The following NRXN1 variants were observed in gnomAD, a reference collection of about 807,000 sequenced individuals.
NRXN1 encodes neurexin-1.
A neutral mutation model predicts 150.9 loss-of-function variants in NRXN1; 39 were observed. The observed-to-expected ratio is 0.26, with a 90% CI of 0.20 to 0.34. The LOEUF is 0.34. Among genes scored for constraint, NRXN1 ranks in the 10% least tolerant of loss-of-function variants. The probability of loss-of-function intolerance (pLI) is 1.00; values close to 1 mark genes in which losing one functional copy is unlikely to be tolerated. For synonymous variants in NRXN1, 924 were observed against 757.0 expected, an observed-to-expected ratio of 1.22 and a Z score of -3.62; for missense variants, 1,815 against 1,949.9, an observed-to-expected ratio of 0.93 and a Z score of 1.30.
At chr2:50,755,200 G>A (rs887278861) in intron 5 of NRXN1, among the ~76,000 whole-genome samples, 1 of 151,780 alleles carries the variant, frequency 6.6e-6, no homozygotes, top group Non-Finnish European at 1.5e-5. Flanking sequence ...ATTCATTATA[G>A]TATAAATACA....
intron 5 of NRXN1, among the ~76,000 whole-genome samples, chr2:50,796,490 G>A (rs1231085802): frequency 1.3e-5 from 2 of 151,930 alleles, no homozygotes; most frequent in East Asian, 1.9e-4. Context: ...CCACCCCAAC[G>A]GCCCCATCTA....
chr2:50,263,191 CACAT>C (rs1287345600), intron 17 of NRXN1, among the ~76,000 whole-genome samples: 231 of 149,288 alleles, frequency 1.5e-3, no homozygotes, highest in African/African-American at 5.1e-3. Context: ...CACACACACA[CACAT>C]ACACAAACAG....
intron 12 of NRXN1, among the ~76,000 whole-genome samples, chr2:50,510,485 CAAAAAAAAAAAAAA>C (rs540578029): frequency 7.6e-5 from 3 of 39,686 alleles, no homozygotes; most frequent in East Asian, 1.7e-3. Flanking sequence ...GACTCCATCT[CAAAAAAAAAAAAAA>C]AAAAAAAAAA....
chr2:51,020,571 A>G lies in NRXN1; in HGVS notation c.772+6931T>C, dbSNP rs540009693. 3.9e-5 allele frequency among the ~76,000 whole-genome samples: 6 copies of G among 152,084 alleles called. No individual in the cohort carries two copies. The East Asian group carries it at 7.7e-4, about 20-fold the overall frequency. ...ACAGCAATCTACCTGCTACCATTTA[A>G]TATCTCCCACAAATTTTTAAGCTTT... On this transcript the variant is annotated intron_variant, in intron 2 of 22. Coordinates refer to ENST00000401669, the MANE Select transcript of NRXN1 (RefSeq NM_001330078.2).
At position 50,302,795 on chromosome 2, in the gene NRXN1, A is replaced by C. The variant is rs572509628; in HGVS notation, c.3365-65825T>G. Among the ~76,000 whole-genome samples, 3 of 152,264 alleles carry C rather than the reference A, an allele frequency of 2.0e-5. No homozygotes were observed. The East Asian group carries it at 5.8e-4, about 29-fold the overall frequency. On this transcript the variant is annotated intron_variant, in intron 17 of 22. Transcript: ENST00000401669. Reference sequence around the variant, plus strand: ...TGTAAGACATTTAGGGTATCCCTACACTATATTTTTAATTGAATTTTAAAG... The same window carrying C: ...TGTAAGACATTTAGGGTATCCCTACCCTATATTTTTAATTGAATTTTAAAG...
chr2:50,735,338 A>G (rs1698607613), intron 5 of NRXN1, among the ~76,000 whole-genome samples: 1 of 152,132 alleles, frequency 6.6e-6, no homozygotes, highest in Non-Finnish European at 1.5e-5. Context: ...ATTAACACAA[A>G]TAGCAAATAA....
intron 8 of NRXN1, among the ~76,000 whole-genome samples, chr2:50,575,530 G>T (rs1273289194): frequency 6.6e-6 from 1 of 152,124 alleles, no homozygotes; most frequent in Non-Finnish European, 1.5e-5. Flanking sequence ...ATAGTTATGT[G>T]TGCCAAAGAA....
chr2:50,502,563 G>T (rs1485592471), intron 13 of NRXN1, among the ~76,000 whole-genome samples: 1 of 151,986 alleles, frequency 6.6e-6, no homozygotes, highest in Non-Finnish European at 1.5e-5. Flanking sequence ...TACGGGAAAA[G>T]CAATTTTGAA....
intron 17 of NRXN1, among the ~76,000 whole-genome samples, chr2:50,317,104 A>G (rs2075671731): frequency 6.6e-6 from 1 of 152,082 alleles, no homozygotes; most frequent in African/African-American, 2.4e-5. Context: ...TTTAAAAATG[A>G]CAAATAACTA....
At chr2:50,872,993 C>T (rs1232439613) in intron 5 of NRXN1, among the ~76,000 whole-genome samples, 2 of 151,220 alleles carry the variant, frequency 1.3e-5, no homozygotes, top group Non-Finnish European at 2.9e-5. Flanking sequence ...AAAGCAAGAC[C>T]CTGTCTCTAA....
intron 5 of NRXN1, among the ~76,000 whole-genome samples, chr2:50,895,052 C>A (rs1261569372): frequency 6.6e-6 from 1 of 152,112 alleles, no homozygotes; most frequent in African/African-American, 2.4e-5. Flanking sequence ...AGTATTTTGA[C>A]TTTGAGTTGG....
At chr2:50,901,514 G>A (rs553572904) in intron 5 of NRXN1, among the ~76,000 whole-genome samples, 1 of 152,214 alleles carries the variant, frequency 6.6e-6, no homozygotes, top group South Asian at 2.1e-4. Context: ...TCCAGCCTGG[G>A]TGACAGAGCG....
At chr2:50,379,504 T>C (rs7564130) in intron 17 of NRXN1, among the ~76,000 whole-genome samples, 57,282 of 151,902 alleles carry the variant, frequency 0.38, 10,989 homozygotes, top group East Asian at 0.55. Flanking sequence ...CAGAGCACCA[T>C]GGCTATAAAA....
intron 5 of NRXN1, among the ~76,000 whole-genome samples, chr2:50,819,907 T>C (rs917047692): frequency 1.3e-5 from 2 of 152,222 alleles, no homozygotes; most frequent in South Asian, 2.1e-4. Context: ...ATTCCTGTGT[T>C]TGCCATTTGC....
intron 5 of NRXN1, among the ~76,000 whole-genome samples, chr2:50,666,614 A>G (rs1163227125): frequency 6.6e-6 from 1 of 151,914 alleles, no homozygotes; most frequent in African/African-American, 2.4e-5. Context: ...ATGACAATAA[A>G]CAGAGTGTTT....
intron 18 of NRXN1, among the ~76,000 whole-genome samples, chr2:50,235,692 T>G (rs1372487325): frequency 1.3e-5 from 2 of 152,086 alleles, no homozygotes; most frequent in African/African-American, 4.8e-5. Flanking sequence ...TAATCAAATG[T>G]CCTTTGGAGA....
chr2:50,974,705 C>T (rs1695553355), intron 2 of NRXN1, among the ~76,000 whole-genome samples: 1 of 151,920 alleles, frequency 6.6e-6, no homozygotes, highest in Non-Finnish European at 1.5e-5. Flanking sequence ...AAAATCTAAT[C>T]TTCATACCAA....
chr2:50,422,760 T>C (rs1403727321), intron 17 of NRXN1, among the ~76,000 whole-genome samples: 4 of 152,156 alleles, frequency 2.6e-5, no homozygotes, highest in African/African-American at 7.2e-5. Context: ...GAACCACAAA[T>C]ATAACTGGTA....
At chr2:50,748,187 G>A (rs1392449549) in intron 5 of NRXN1, among the ~76,000 whole-genome samples, 2 of 152,146 alleles carry the variant, frequency 1.3e-5, no homozygotes, top group African/African-American at 4.8e-5. Context: ...ACTGCTGAAT[G>A]TTTCTCTGAC....
Sources: allele counts gnomAD v4.1 joint callset (sites outside exome capture counted in the v4.1 genomes callset), GRCh38; gene constraint gnomAD v4.1.1; transcripts MANE v1.5; gene names NCBI Gene and HGNC (gene_info 2026-07-23, HGNC 2026-07-21).